Variants in EIPR1 observed in about 807,000 individuals in gnomAD.
EIPR1 encodes EARP complex and GARP complex interacting protein 1.
Under a neutral mutation model 48.1 loss-of-function variants are expected in EIPR1, and 25 were observed. That is an observed-to-expected ratio of 0.52 (90% CI 0.38 to 0.73). The LOEUF (loss-of-function observed/expected upper bound fraction) is 0.73. Among genes scored for constraint, EIPR1 ranks in the 30% least tolerant of loss-of-function variants. EIPR1 has a pLI of 0.00. For missense variants in EIPR1, 415 were observed against 506.2 expected (o/e 0.82, Z 1.73); for synonymous variants, 204 against 201.9 (o/e 1.01, Z -0.09).
At chr2:3,297,826 T>C (rs1290945993) in intron 3 of EIPR1, among the ~76,000 whole-genome samples, 1 of 152,242 alleles carries the variant, frequency 6.6e-6, no homozygotes, top group Non-Finnish European at 1.5e-5. Flanking sequence ...GCTTCTTTTT[T>C]TGTTCGTTTG....
intron 4 of EIPR1, among the ~76,000 whole-genome samples, chr2:3,231,406 C>G (rs1485651724): frequency 6.6e-6 from 1 of 152,184 alleles, no homozygotes; most frequent in East Asian, 1.9e-4. Flanking sequence ...GAGTGGGCAT[C>G]CTTGTCTTGT....
chr2:3,337,668 C>T (rs2103351221), intron 3 of EIPR1, among the ~76,000 whole-genome samples: 1 of 152,268 alleles, frequency 6.6e-6, no homozygotes, highest in Non-Finnish European at 1.5e-5. Context: ...AGACAGTCAC[C>T]AAGACACTAC....
At chr2:3,307,644 G>T (rs1668988656) in intron 3 of EIPR1, among the ~76,000 whole-genome samples, 1 of 152,194 alleles carries the variant, frequency 6.6e-6, no homozygotes, top group Admixed American at 6.5e-5. Flanking sequence ...CAGCTAAAAC[G>T]CACTTCTCCT....
Position 3,196,980 on chromosome 2 carries a change from A to T in EIPR1, c.554T>A (p.Leu185Gln). ...SSASLEGKGQ[L>Q]KFTSGRWSPH... is the part of the protein sequence containing the mutation. ...GCTCCACCGTCCTGAGGTGAACTTC[A>T]GTTGTCCCTTCCCTTCCAGGGACGC... Residue 185 changes from leucine to glutamine, a missense_variant, in exon 6 of 9, where the codon CTG becomes CAG. Transcript: ENST00000382125. 6.2e-7 allele frequency: 1 copy of T among 1,613,958 alleles called. No homozygotes were observed. The highest frequency in any genetic ancestry group is 8.5e-7 in the Non-Finnish European group (1 of 1,180,034).
At chr2:3,243,117 T>C (rs1413279045) in intron 4 of EIPR1, among the ~76,000 whole-genome samples, 1 of 152,192 alleles carries the variant, frequency 6.6e-6, no homozygotes, top group Non-Finnish European at 1.5e-5. Context: ...TACTCAGACA[T>C]CTCTCACTGG....
chr2:3,346,255 C>T (rs1238920747), intron 2 of EIPR1, among the ~76,000 whole-genome samples: 1 of 152,226 alleles, frequency 6.6e-6, no homozygotes, highest in Non-Finnish European at 1.5e-5. Flanking sequence ...TGACCCAATG[C>T]TCGTTGATAT....
intron 3 of EIPR1, chr2:3,319,111 G>A (rs1414658615): frequency 1.9e-5 from 7 of 364,010 alleles, no homozygotes; most frequent in Non-Finnish European, 3.3e-5. Flanking sequence ...GTGCTTGAGC[G>A]TCATTACAAA....
intron 4 of EIPR1, among the ~76,000 whole-genome samples, chr2:3,244,178 C>T (rs1437743064): frequency 6.6e-6 from 1 of 152,222 alleles, no homozygotes; most frequent in Non-Finnish European, 1.5e-5. Context: ...GTCTTCTCAG[C>T]AAGTCCAAAG....
In EIPR1 at chr2:3,269,400, T is replaced by TCAC. The variant is rs1344891772; in HGVS notation, c.260-11946_260-11945insGTG. On this transcript the variant is annotated intron_variant, in intron 3 of 8. Transcript: ENST00000382125. ...CGCACTCAGTCATCGCACTCAGTCA[T>TCAC]CGCACTCAATCATCGCACTCAATCA... is the stretch of plus-strand genomic sequence containing the variant. 1.5e-4 allele frequency among the ~76,000 whole-genome samples: 21 copies of TCAC among 136,064 alleles called. 3 individuals are homozygous for TCAC. Among genetic ancestry groups the TCAC allele is most frequent in the African/African-American group, 5.7e-4 (19 of 33,466 alleles). The allele number at this position is 136,064 out of a possible 152,430, so 89.3% of individuals were successfully genotyped here. A position where few individuals can be genotyped will look rare whatever the true frequency, so the allele number is the denominator to read the frequency against.
chr2:3,238,356 G>T (rs1666483945), intron 4 of EIPR1, among the ~76,000 whole-genome samples: 1 of 152,168 alleles, frequency 6.6e-6, no homozygotes, highest in African/African-American at 2.4e-5. Context: ...CCCTCCACGG[G>T]CTGGTGACAC....
chr2:3,235,451 C>CAT (rs1666376700), intron 4 of EIPR1, among the ~76,000 whole-genome samples: 1 of 30,228 alleles, frequency 3.3e-5, no homozygotes, highest in Non-Finnish European at 1.2e-4. Flanking sequence ...CGTGCGCGCA[C>CAT]ACACACACAC....
intron 1 of EIPR1, among the ~76,000 whole-genome samples, chr2:3,360,436 G>A (rs1670825322): frequency 6.6e-6 from 1 of 151,548 alleles, no homozygotes; most frequent in Non-Finnish European, 1.5e-5. Flanking sequence ...AGAAAGAAAG[G>A]CCAAGGCATT....
intron 3 of EIPR1, among the ~76,000 whole-genome samples, chr2:3,311,246 T>G (rs1669119645): frequency 6.6e-6 from 1 of 152,210 alleles, no homozygotes. Context: ...CCACAGAATT[T>G]TCTTCTCCTT....
At chr2:3,226,331 T>C (rs1202754987) in intron 4 of EIPR1, among the ~76,000 whole-genome samples, 5 of 152,238 alleles carry the variant, frequency 3.3e-5, no homozygotes, top group African/African-American at 9.6e-5. Flanking sequence ...TGTGAGGTGA[T>C]GTCTCATTGC....
chr2:3,214,086 G>C, intron 5 of EIPR1, 63 bp downstream of exon 5: 2 of 1,468,172 alleles, frequency 1.4e-6, no homozygotes, highest in Non-Finnish European at 1.9e-6. Context: ...ACCTATGAGT[G>C]AGAACATGCG....
Position 3,217,132 on chromosome 2 carries a change from G to A in EIPR1, c.417-2884C>T, listed in dbSNP as rs528926632. ...TCTAAACAGAAATGCAGGTGATTCA[G>A]CAAGCTATAAAAGATGATTAATTCA... is the stretch of plus-strand genomic sequence containing the variant. On this transcript the variant is annotated intron_variant, in intron 4 of 8. Coordinates refer to ENST00000382125, the MANE Select transcript of EIPR1 (RefSeq NM_003310.5). 2.6e-5 allele frequency among the ~76,000 whole-genome samples: 4 copies of A among 152,322 alleles called. No homozygotes were observed. In the South Asian group the frequency reaches 6.2e-4, roughly 24 times the overall value.
At chr2:3,265,665 A>G (rs1390680924) in intron 3 of EIPR1, among the ~76,000 whole-genome samples, 2 of 152,194 alleles carry the variant, frequency 1.3e-5, no homozygotes, top group African/African-American at 2.4e-5. Context: ...CTGCCACATA[A>G]AACCAGACAT....
chr2:3,289,073 T>C (rs1668291775), intron 3 of EIPR1, among the ~76,000 whole-genome samples: 1 of 152,234 alleles, frequency 6.6e-6, no homozygotes, highest in Non-Finnish European at 1.5e-5. Context: ...AATTGCCCAT[T>C]TGCTTTCTTC....
At chr2:3,217,889 C>A (rs918734448) in intron 4 of EIPR1, among the ~76,000 whole-genome samples, 1 of 152,202 alleles carries the variant, frequency 6.6e-6, no homozygotes, top group Admixed American at 6.5e-5. Flanking sequence ...ACCCCCATTG[C>A]CACTCCCAGG....
Sources: gnomAD v4.1 joint callset for allele counts (sites outside exome capture counted in the v4.1 genomes callset) on GRCh38, gnomAD v4.1.1 for gene constraint, MANE v1.5 for transcripts, NCBI Gene and HGNC (gene_info 2026-07-23, HGNC 2026-07-21) for gene names.